The following RSPH14 variants were observed in gnomAD, a reference collection of about 807,000 sequenced individuals.
RSPH14 encodes rhabdoid tumor deletion region gene 1.
A neutral mutation model predicts 26.7 loss-of-function variants in RSPH14; 20 were observed. The observed-to-expected ratio is 0.75, with a 90% CI of 0.53 to 1.09. The LOEUF (loss-of-function observed/expected upper bound fraction) is 1.09, where lower values mean the gene tolerates loss of function less well. Ranked by LOEUF, RSPH14 falls within the 50% of genes least tolerant of loss-of-function variation. The pLI is 0.00. For missense variants in RSPH14, 449 were observed against 457.2 expected, an observed-to-expected ratio of 0.98 and a Z score of 0.16; for synonymous variants, 177 against 189.3, an observed-to-expected ratio of 0.93 and a Z score of 0.53.
intron 4 of RSPH14, among the ~76,000 whole-genome samples, chr22:23,114,448 C>T (rs2069759394): frequency 6.6e-6 from 1 of 152,196 alleles, no homozygotes; most frequent in Non-Finnish European, 1.5e-5. Flanking sequence ...CTCTGCCAGC[C>T]CCTCCTGCAA....
intron 4 of RSPH14, among the ~76,000 whole-genome samples, chr22:23,069,043 T>C (rs939677985): frequency 1.7e-4 from 26 of 152,174 alleles, no homozygotes; most frequent in African/African-American, 6.0e-4. Context: ...CCCTCACAGG[T>C]GGCCCATGAC....
intron 4 of RSPH14, among the ~76,000 whole-genome samples, chr22:23,119,413 G>A (rs546480343): frequency 3.5e-4 from 54 of 152,316 alleles, no homozygotes; most frequent in Admixed American, 8.5e-4. Flanking sequence ...GTAACCGTCT[G>A]TGGTTCTTCA....
upstream of RSPH14, chr22:23,145,389 G>A: frequency 6.2e-7 from 1 of 1,608,664 alleles, no homozygotes; most frequent in Non-Finnish European, 8.5e-7. Context: ...GTGCAAGCTG[G>A]ATGCTTGGAC....
chr22:23,174,326 C>T, the RSPH14 span, among the ~76,000 whole-genome samples: 1 of 150,912 alleles, frequency 6.6e-6, no homozygotes, highest in South Asian at 2.1e-4. Flanking sequence ...ATCACTTAAG[C>T]CCAGGCGTCT....
the RSPH14 span, among the ~76,000 whole-genome samples, chr22:23,169,309 C>G: frequency 6.6e-6 from 1 of 152,214 alleles, no homozygotes; most frequent in African/African-American, 2.4e-5. Flanking sequence ...GCCCCCAGCT[C>G]CCTATGGTTG....
the RSPH14 span, among the ~76,000 whole-genome samples, chr22:23,168,024 T>A: frequency 2.6e-5 from 4 of 152,330 alleles, no homozygotes; most frequent in African/African-American, 9.6e-5. Context: ...TTTTTAATTT[T>A]TTTTTTAATT....
chr22:23,174,145 G>C, the RSPH14 span, among the ~76,000 whole-genome samples: 1 of 152,012 alleles, frequency 6.6e-6, no homozygotes, highest in Non-Finnish European at 1.5e-5. Flanking sequence ...GGAAAGGGTG[G>C]CCTCCGGGAG....
intron 4 of RSPH14, among the ~76,000 whole-genome samples, chr22:23,113,873 C>G (rs1819877426): frequency 6.6e-6 from 1 of 152,240 alleles, no homozygotes; most frequent in African/African-American, 2.4e-5. Flanking sequence ...CAGTGCCAGC[C>G]AAGGGCAGGC....
chr22:23,179,506 T>C, the RSPH14 span, among the ~76,000 whole-genome samples: 1 of 152,134 alleles, frequency 6.6e-6, no homozygotes, highest in Non-Finnish European at 1.5e-5. Context: ...TCAGTGCAGG[T>C]TGGCCGCCCC....
At chr22:23,155,766 AAG>A in the RSPH14 span, among the ~76,000 whole-genome samples, 50 of 152,348 alleles carry the variant, frequency 3.3e-4, no homozygotes, top group Non-Finnish European at 6.2e-4. Context: ...GGAATGAGAG[AAG>A]TCCACTGGGG....
At chr22:23,115,091 G>A (rs570524412) in intron 4 of RSPH14, among the ~76,000 whole-genome samples, 2 of 152,296 alleles carry the variant, frequency 1.3e-5, no homozygotes, top group East Asian at 1.9e-4. Context: ...GCTCTGTGCT[G>A]TGGCCACAGC....
intron 4 of RSPH14, among the ~76,000 whole-genome samples, chr22:23,081,691 G>C (rs138359238): frequency 0.012 from 1,767 of 152,128 alleles, 15 homozygotes; most frequent in Non-Finnish European, 0.018. Flanking sequence ...CCATGGTGGT[G>C]GACACCTGTA....
At chr22:23,149,391 G>A (rs1314586708), upstream of RSPH14, among the ~76,000 whole-genome samples, 3 of 152,286 alleles carry the variant, frequency 2.0e-5, no homozygotes, top group Non-Finnish European at 2.9e-5. Flanking sequence ...GGTGGGGTAC[G>A]TGCAGTTTTT....
At chr22:23,116,596 T>G (rs898682588) in intron 4 of RSPH14, among the ~76,000 whole-genome samples, 3 of 152,216 alleles carry the variant, frequency 2.0e-5, no homozygotes, top group African/African-American at 7.2e-5. Flanking sequence ...GAGCTGCAAC[T>G]ACAGTGCAGG....
chr22:23,172,893 T>C, the RSPH14 span, among the ~76,000 whole-genome samples: 4 of 150,538 alleles, frequency 2.7e-5, no homozygotes, highest in African/African-American at 9.8e-5. Context: ...GAACTTGCAG[T>C]GAGCCGAGAT....
rs758325442 is a variant in RSPH14 at position 23,140,238 on chromosome 22, G to A, written c.183C>T (p.Tyr61=). ...CACGCTCACCTATGTTCATGGCCTT[G>A]TAGATACACTCGGGGTCATGCATGA... ...CDLMHDPECI[Y]KAMNIGCMEN... is the part of the protein sequence containing the mutation. Residue 61 remains tyrosine, a synonymous_variant, in exon 2 of 7, where the codon TAC becomes TAT. Transcript: ENST00000216036. The A allele has an allele frequency of 3.6e-5, 58 of 1,613,944 alleles. No homozygotes were observed. Among genetic ancestry groups the A allele is most frequent in the Non-Finnish European group, 4.5e-5 (53 of 1,180,032 alleles).
chr22:23,122,163 T>C (rs2070049609), intron 4 of RSPH14, among the ~76,000 whole-genome samples: 1 of 152,210 alleles, frequency 6.6e-6, no homozygotes, highest in Admixed American at 6.5e-5. Context: ...GTTACTCCTT[T>C]TAGAAGTTAG....
chr22:23,133,563 G>A (rs5759596), intron 4 of RSPH14, among the ~76,000 whole-genome samples: 73,788 of 151,708 alleles, frequency 0.49, 18,537 homozygotes, highest in Middle Eastern at 0.58. Flanking sequence ...CCAAATGTTC[G>A]TTTAGGATAT....
the RSPH14 span, among the ~76,000 whole-genome samples, chr22:23,151,199 A>G: frequency 6.6e-6 from 1 of 152,214 alleles, no homozygotes; most frequent in Non-Finnish European, 1.5e-5. Flanking sequence ...CGAAGTGGCC[A>G]TGGTGGTGGG....
Sources: allele counts gnomAD v4.1 joint callset (sites outside exome capture counted in the v4.1 genomes callset), GRCh38; gene constraint gnomAD v4.1.1; transcripts MANE v1.5; gene names NCBI Gene and HGNC (gene_info 2026-07-23, HGNC 2026-07-21).